RABIF: variants seen among roughly 807,000 people sequenced by gnomAD.
RABIF encodes guanine nucleotide exchange factor MSS4.
RABIF carries 13 observed loss-of-function variants against 12.3 expected under a neutral mutation model. That is an observed-to-expected ratio of 1.06 (90% CI 0.69 to 1.68). The LOEUF (loss-of-function observed/expected upper bound fraction) is 1.68, where lower values mean the gene tolerates loss of function less well. Ranked by LOEUF, RABIF falls within the 40% of genes most tolerant of loss-of-function variation. The pLI is 0.00. For missense variants in RABIF, 153 were observed against 158.0 expected (o/e 0.97, Z 0.17); for synonymous variants, 70 against 63.3 (o/e 1.11, Z -0.50).
rs1659463078 is a variant in RABIF at position 202,879,957 on chromosome 1, G to A, written c.*1021C>T. ...GATATCAAACTGTTAGAGCAGCCCC[G>A]GAGCTATGGAAATTTGTATCCATGC... On this transcript the variant is annotated 3_prime_UTR_variant, in exon 2 of 2. Transcript: ENST00000367262. The A allele has an allele frequency of 6.6e-6, 1 of 152,176 alleles. No individual in the cohort carries two copies. Among genetic ancestry groups the A allele is most frequent in the Non-Finnish European group, 1.5e-5 (1 of 68,032 alleles). 9.4% of individuals were successfully genotyped at this position (152,176 alleles called of 1,614,324 possible). A position where few individuals can be genotyped will look rare whatever the true frequency, so the allele number is the denominator to read the frequency against.
At chr1:202,883,381 T>C (rs1055998827) in intron 1 of RABIF, among the ~76,000 whole-genome samples, 1 of 152,214 alleles carries the variant, frequency 6.6e-6, no homozygotes, top group Non-Finnish European at 1.5e-5. Flanking sequence ...CTTAACACTT[T>C]GTTCTACCTT....
chr1:202,889,125 C>T lies in RABIF; in HGVS notation c.-27G>A. On this transcript the variant is annotated 5_prime_UTR_variant, in exon 1 of 2. Coordinates refer to ENST00000367262, the MANE Select transcript of RABIF (RefSeq NM_002871.5). ...GCCGCTGCCGCCACAGGCTCCTCAG[C>T]CACGGCTGCGCAGACGCTGTCTCTG... 6.3e-7 allele frequency: 1 copy of T among 1,591,966 alleles called. No homozygotes were observed.
At position 202,879,758 on chromosome 1, in the gene RABIF, G is replaced by C. The variant is rs1659460950; in HGVS notation, c.*1220C>G. 6.6e-6 allele frequency: 1 copy of C among 152,148 alleles called. No individual in the cohort carries two copies. Among genetic ancestry groups the C allele is most frequent in the South Asian group, 2.1e-4 (1 of 4,828 alleles). 9.4% of individuals were successfully genotyped at this position (152,148 alleles called of 1,614,324 possible). The stretch of plus-strand genomic sequence containing the variant: ...CAATGGAAGGGACTTCAGATGGTAA[G>C]GTTTCTGTTTAGTACTTATTTCAAT... On this transcript the variant is annotated 3_prime_UTR_variant, in exon 2 of 2. Transcript: ENST00000367262.
In RABIF at chr1:202,881,152, C is replaced by G; in HGVS notation, c.198G>C (p.Gln66His). The G allele has an allele frequency of 1.2e-6, 2 of 1,614,154 alleles. No individual in the cohort carries two copies. Among genetic ancestry groups the G allele is most frequent in the Non-Finnish European group, 1.7e-6 (2 of 1,180,026 alleles). Residue 66 changes from glutamine (Q) to histidine (H), a missense_variant, in exon 2 of 2, where the codon CAG becomes CAC. Physicochemically the swap from Gln to His is conservative, Grantham distance 24. This residue lies in a region of RABIF where 113 missense variants were observed against 90.9 expected (regional missense o/e 1.24). Transcript: ENST00000367262. Reference protein sequence around the residue: ...DGSNPDGDLLQEHWLVEDMFI... With the variant: ...DGSNPDGDLLHEHWLVEDMFI... ...ACATGTCCTCAACCAGCCAGTGTTC[C>G]TGGAGGAGATCGCCGTCAGGATTGC...
intron 1 of RABIF, among the ~76,000 whole-genome samples, chr1:202,886,441 C>T (rs1659563532): frequency 6.6e-6 from 1 of 152,072 alleles, no homozygotes; most frequent in Non-Finnish European, 1.5e-5. Flanking sequence ...CAAAAATTAG[C>T]TGGGCATGGT....
chr1:202,881,919 G>A (rs571236284), intron 1 of RABIF, among the ~76,000 whole-genome samples: 1 of 152,300 alleles, frequency 6.6e-6, no homozygotes, highest in African/African-American at 2.4e-5. Context: ...GCCTTCTCAG[G>A]AGGTCTTCTC....
chr1:202,880,049 C>G lies in RABIF; in HGVS notation c.*929G>C, dbSNP rs1313039457. 6.6e-6 allele frequency: 1 copy of G among 152,186 alleles called. No homozygotes were observed. Among genetic ancestry groups the G allele is most frequent in the Non-Finnish European group, 1.5e-5 (1 of 68,034 alleles). 9.4% of individuals were successfully genotyped at this position (152,186 alleles called of 1,614,324 possible). On this transcript the variant is annotated 3_prime_UTR_variant, in exon 2 of 2. Coordinates refer to ENST00000367262, the MANE Select transcript of RABIF (RefSeq NM_002871.5). ...CAGTTGAACCAAAACTCCATGAGGA[C>G]CATGCCCAGTAGGTTCAGTAAATGA...
chr1:202,886,202 A>G (rs1571505556), intron 1 of RABIF, among the ~76,000 whole-genome samples: 1 of 140,450 alleles, frequency 7.1e-6, no homozygotes, highest in East Asian at 2.2e-4. Flanking sequence ...AGCTGCAGTG[A>G]GTCATGCTTT....
intron 1 of RABIF, among the ~76,000 whole-genome samples, chr1:202,882,029 A>C (rs1006597097): frequency 6.6e-6 from 1 of 152,218 alleles, no homozygotes; most frequent in Non-Finnish European, 1.5e-5. Context: ...CATATTTTAA[A>C]TGCACATTAG....
At chr1:202,886,272 G>T in intron 1 of RABIF, among the ~76,000 whole-genome samples, 1 of 116,404 alleles carries the variant, frequency 8.6e-6, no homozygotes, top group East Asian at 3.3e-4. Context: ...AGGGAAGGGG[G>T]GAAAGGAAAG....
intron 1 of RABIF, among the ~76,000 whole-genome samples, chr1:202,883,382 G>A (rs1413246224): frequency 6.6e-6 from 1 of 152,120 alleles, no homozygotes; most frequent in African/African-American, 2.4e-5. Context: ...TTAACACTTT[G>A]TTCTACCTTA....
Position 202,880,773 on chromosome 1 carries a change from T to C in RABIF, c.*205A>G, listed in dbSNP as rs563914149. ...GGAAAAGGGAGCTTAGGAAATGTGA[T>C]ACAAAGTGAACTAAGCAGGAGGCAT... On this transcript the variant is annotated 3_prime_UTR_variant, in exon 2 of 2. Transcript: ENST00000367262. The C allele has an allele frequency of 6.7e-5, 89 of 1,333,942 alleles. No homozygotes were observed. The highest frequency in any genetic ancestry group is 8.0e-5 in the Non-Finnish European group (83 of 1,040,204). The allele number at this position is 1,333,942 out of a possible 1,614,324, so 82.6% of individuals were successfully genotyped here. A position where few individuals can be genotyped will look rare whatever the true frequency, so the allele number is the denominator to read the frequency against.
chr1:202,883,944 G>A (rs1473617088), intron 1 of RABIF, among the ~76,000 whole-genome samples: 1 of 152,152 alleles, frequency 6.6e-6, no homozygotes, highest in African/African-American at 2.4e-5. Flanking sequence ...CAATGCCAAG[G>A]ACCATTGCTA....
At chr1:202,881,262 C>T (rs1176132782) in intron 1 of RABIF, 39 bp from the exon 2 acceptor site, 1 of 1,588,070 alleles carries the variant, frequency 6.3e-7, no homozygotes, top group Non-Finnish European at 8.6e-7. Context: ...AGAAGTTGAA[C>T]TGGCCCAGTT....
In RABIF at chr1:202,889,088, G is replaced by C. The variant is rs138946843; in HGVS notation, c.11C>G (p.Ala4Gly). 4.4e-6 allele frequency: 7 copies of C among 1,604,806 alleles called. No individual in the cohort carries two copies. In the African/African-American group the frequency reaches 8.1e-5, roughly 18 times the overall value. MEPAEQPSELVSAE... is the reference protein window; with the variant it reads MEPGEQPSELVSAE... ...TGACACTAACTCGCTCGGCTGCTCCGCTGGTTCCATCGCCGCTGCCGCCAC... is the reference window on the plus strand; with the variant it reads ...TGACACTAACTCGCTCGGCTGCTCCCCTGGTTCCATCGCCGCTGCCGCCAC... Residue 4 changes from alanine (A) to glycine (G), a missense_variant, in exon 1 of 2, where the codon GCG becomes GGG. Transcript: ENST00000367262.
chr1:202,880,750 A>C lies in RABIF; in HGVS notation c.*228T>G, dbSNP rs531656767. 355 of 1,279,938 alleles carry C rather than the reference A, an allele frequency of 2.8e-4. No homozygotes were observed. In the African/African-American group the frequency reaches 4.9e-3, roughly 18 times the overall value. 79.3% of individuals were successfully genotyped at this position (1,279,938 alleles called of 1,614,324 possible). A position where few individuals can be genotyped will look rare whatever the true frequency, so the allele number is the denominator to read the frequency against. On this transcript the variant is annotated 3_prime_UTR_variant, in exon 2 of 2. Coordinates refer to ENST00000367262, the MANE Select transcript of RABIF (RefSeq NM_002871.5). The stretch of plus-strand genomic sequence containing the variant: ...AAGCACAGTGTCCCAAAACTGGGGG[A>C]AAAGGGAGCTTAGGAAATGTGATAC...
At chr1:202,882,713 T>G (rs1659510466) in intron 1 of RABIF, among the ~76,000 whole-genome samples, 1 of 152,056 alleles carries the variant, frequency 6.6e-6, no homozygotes, top group African/African-American at 2.4e-5. Flanking sequence ...ATTATCGTAT[T>G]AATTTATTGG....
At chr1:202,881,676 G>C (rs1381857342) in intron 1 of RABIF, among the ~76,000 whole-genome samples, 1 of 152,238 alleles carries the variant, frequency 6.6e-6, no homozygotes, top group Non-Finnish European at 1.5e-5. Flanking sequence ...CGAAGTGCTG[G>C]GATTATAGGC....
rs1557980797 is a variant in RABIF, at chr1:202,889,069, T to G, written c.30A>C (p.Leu10Phe). MEPAEQPSE[L>F]VSAEGRNRKA... The stretch of plus-strand genomic sequence containing the variant: ...TCCGGTTTCGGCCCTCGGCTGACAC[T>G]AACTCGCTCGGCTGCTCCGCTGGTT... The change falls in exon 1 of 2, where the codon TTA becomes TTC. Residue 10 changes from leucine to phenylalanine, a missense_variant. By Grantham distance (22) the Leu-to-Phe change is conservative. Transcript: ENST00000367262. 6.2e-7 allele frequency: 1 copy of G among 1,611,036 alleles called. No homozygotes were observed. Among genetic ancestry groups the G allele is most frequent in the Non-Finnish European group, 8.5e-7 (1 of 1,178,954 alleles).
Sources: allele counts gnomAD v4.1 joint callset (sites outside exome capture counted in the v4.1 genomes callset), GRCh38; gene constraint gnomAD v4.1.1; regional missense constraint gnomAD v4.1.1; transcripts MANE v1.5; gene names NCBI Gene and HGNC (gene_info 2026-07-23, HGNC 2026-07-21).